The following SAMD12 variants were observed in gnomAD, a reference collection of about 807,000 sequenced individuals.
The protein encoded by SAMD12 is sterile alpha motif domain containing 12, also known as sterile alpha motif domain-containing protein 12.
A neutral mutation model predicts 15.0 loss-of-function variants in SAMD12; 9 were observed. The observed-to-expected ratio is 0.60, with a 90% CI of 0.36 to 1.05. SAMD12 has a LOEUF of 1.05. SAMD12 is among the 50% of genes least tolerant of loss of function. SAMD12 has a pLI of 0.01. For missense variants in SAMD12, 230 were observed against 234.2 expected (o/e 0.98, Z 0.12); for synonymous variants, 86 against 90.1 (o/e 0.96, Z 0.25).
intron 4 of SAMD12, among the ~76,000 whole-genome samples, chr8:118,293,475 T>G (rs897243881): frequency 6.6e-6 from 1 of 152,232 alleles, no homozygotes; most frequent in Admixed American, 6.5e-5. Context: ...GAAAAGACAA[T>G]ATATAACATT....
chr8:118,520,322 C>G (rs2131089285), intron 2 of SAMD12, among the ~76,000 whole-genome samples: 1 of 152,254 alleles, frequency 6.6e-6, no homozygotes, highest in African/African-American at 2.4e-5. Context: ...CCTGAACATT[C>G]TAACATTGGG....
chr8:118,151,413 T>C, the SAMD12 span, among the ~76,000 whole-genome samples: 1 of 152,176 alleles, frequency 6.6e-6, no homozygotes, highest in East Asian at 1.9e-4. Context: ...ATTTAACTTG[T>C]GATGTTGTCC....
intron 3 of SAMD12, among the ~76,000 whole-genome samples, chr8:118,408,621 C>T (rs1053349674): frequency 1.3e-5 from 2 of 152,136 alleles, no homozygotes; most frequent in African/African-American, 2.4e-5. Context: ...TTAATAAATA[C>T]TAACTGCTTT....
rs58176749 is a variant in SAMD12, at chr8:118,415,448, GGTGTGTGT to G, written c.322+24376_322+24383del. On this transcript the variant is annotated intron_variant, in intron 3 of 3. Transcript: ENST00000314727. ...AAGTAAATAAATAACCTTGTCCTAA[GGTGTGTGT>G]GTGTGTGTGTGTGTGTGTGTGTGTG... is the stretch of plus-strand genomic sequence containing the variant. Among the ~76,000 whole-genome samples the G allele has an allele frequency of 2.8e-3, 405 of 142,940 alleles. 1 individual carries two copies. The highest frequency in any genetic ancestry group is 0.011 in the Middle Eastern group (3 of 274). The allele number at this position is 142,940 out of a possible 152,430, so 93.8% of individuals were successfully genotyped here. A position where few individuals can be genotyped will look rare whatever the true frequency, so the allele number is the denominator to read the frequency against.
At chr8:118,520,414 G>C (rs1170744372) in intron 2 of SAMD12, among the ~76,000 whole-genome samples, 1 of 152,098 alleles carries the variant, frequency 6.6e-6, no homozygotes, top group Non-Finnish European at 1.5e-5. Flanking sequence ...ACTTCTGTCA[G>C]GGGAAAAATC....
intron 2 of SAMD12, among the ~76,000 whole-genome samples, chr8:118,534,339 T>C (rs1203102972): frequency 1.3e-5 from 2 of 152,202 alleles, no homozygotes; most frequent in African/African-American, 4.8e-5. Flanking sequence ...CTTCCCTTTG[T>C]GGGTAACCCG....
intron 2 of SAMD12, among the ~76,000 whole-genome samples, chr8:118,548,236 C>T (rs540257563): frequency 5.9e-5 from 9 of 152,166 alleles, no homozygotes; most frequent in East Asian, 3.9e-4. Context: ...AATATGTTCA[C>T]GATATTTTAA....
chr8:118,311,223 A>G (rs539023518), intron 4 of SAMD12, among the ~76,000 whole-genome samples: 6 of 152,318 alleles, frequency 3.9e-5, no homozygotes, highest in Non-Finnish European at 8.8e-5. Flanking sequence ...TTGCTTCCTT[A>G]TATGATAAAA....
intron 3 of SAMD12, among the ~76,000 whole-genome samples, chr8:118,388,628 C>G (rs1370078489): frequency 2.0e-5 from 3 of 152,160 alleles, no homozygotes; most frequent in African/African-American, 7.2e-5. Flanking sequence ...TAGAGCCTTA[C>G]TCAACGTAGG....
intron 4 of SAMD12, among the ~76,000 whole-genome samples, chr8:118,286,179 AG>A (rs1371200223): frequency 1.2e-5 from 1 of 82,964 alleles, no homozygotes; most frequent in Non-Finnish European, 2.4e-5. Flanking sequence ...GGGTGAGGGG[AG>A]GGGGGAGGGA....
intron 1 of SAMD12, among the ~76,000 whole-genome samples, chr8:118,586,745 G>A (rs1827457286): frequency 1.3e-5 from 2 of 152,166 alleles, no homozygotes; most frequent in Admixed American, 6.5e-5. Flanking sequence ...CCCAGAAGAA[G>A]TGACTACTTC....
the SAMD12 span, among the ~76,000 whole-genome samples, chr8:118,151,441 C>G: frequency 6.6e-6 from 1 of 152,084 alleles, no homozygotes. Flanking sequence ...CAGTAATGCT[C>G]TATTCATTTT....
chr8:118,561,622 CAGATCTT>C (rs1382151859), intron 2 of SAMD12, among the ~76,000 whole-genome samples: 1 of 152,170 alleles, frequency 6.6e-6, no homozygotes, highest in Non-Finnish European at 1.5e-5. Context: ...ATAAAACCAT[CAGATCTT>C]GTGAGAAATC....
Position 118,359,003 on chromosome 8 carries a change from C to CTGTGTGTGTGTGTGTG in SAMD12, c.433+20541_433+20556dup, listed in dbSNP as rs35454734. Among the ~76,000 whole-genome samples, 486 of 149,318 alleles carry CTGTGTGTGTGTGTGTG rather than the reference C, an allele frequency of 3.3e-3. 4 individuals are homozygous for CTGTGTGTGTGTGTGTG. The highest frequency in any genetic ancestry group is 0.013 in the South Asian group (61 of 4,650). On this transcript the variant is annotated intron_variant, in intron 4 of 4. Coordinates refer to the SAMD12 transcript ENST00000409003. ...CATTGATACAGGGTATGGCATTAAA[C>CTGTGTGTGTGTGTGTG]TGTGTGTGTGTGTGTGTGTGTGTAT...
intron 1 of SAMD12, among the ~76,000 whole-genome samples, chr8:118,613,763 T>A (rs1197441268): frequency 6.6e-6 from 1 of 152,180 alleles, no homozygotes; most frequent in Non-Finnish European, 1.5e-5. Flanking sequence ...TTTTGCAAGA[T>A]CTGAAATTTC....
chr8:118,558,475 A>G (rs1339084679), intron 2 of SAMD12, among the ~76,000 whole-genome samples: 1 of 152,196 alleles, frequency 6.6e-6, no homozygotes, highest in East Asian at 1.9e-4. Flanking sequence ...ATTCTTATAT[A>G]TTGGCAAGGA....
rs114739087 is a variant in SAMD12 at position 118,582,726 on chromosome 8, C to A, written c.14-1833G>T. Among the ~76,000 whole-genome samples the A allele has an allele frequency of 3.7e-3, 563 of 152,232 alleles. 3 individuals are homozygous for A. Among genetic ancestry groups the A allele is most frequent in the African/African-American group, 0.013 (538 of 41,542 alleles). On this transcript the variant is annotated intron_variant, in intron 1 of 3. Transcript: ENST00000314727. ...AAAGGGCATACTATACTGGTGTGTA[C>A]AGAAAAGTCACAAAAATCATGGCCC...
chr8:118,376,558 G>T (rs538525975), downstream of SAMD12, among the ~76,000 whole-genome samples: 2 of 152,078 alleles, frequency 1.3e-5, no homozygotes, highest in Non-Finnish European at 2.9e-5. Context: ...AATTTTTGTT[G>T]TTTATAAGCT....
At chr8:118,358,625 CTTT>C (rs899587361) in intron 4 of SAMD12, among the ~76,000 whole-genome samples, 1 of 152,036 alleles carries the variant, frequency 6.6e-6, no homozygotes, top group Non-Finnish European at 1.5e-5. Flanking sequence ...CATAATTATA[CTTT>C]TTTTTGTTTC....
Sources: gnomAD v4.1 joint callset for allele counts (sites outside exome capture counted in the v4.1 genomes callset) on GRCh38, gnomAD v4.1.1 for gene constraint, MANE v1.5 for transcripts, NCBI Gene and HGNC (gene_info 2026-07-23, HGNC 2026-07-21) for gene names.